The following ERO1B variants were observed in gnomAD, a reference collection of about 807,000 sequenced individuals.
ERO1B encodes the protein ERO1-like protein beta.
A neutral mutation model predicts 75.3 loss-of-function variants in ERO1B; 49 were observed. The ratio of observed to expected loss-of-function variants is 0.65; its 90% confidence interval spans 0.52 to 0.83. The LOEUF is 0.83. Among genes scored for constraint, ERO1B ranks in the 40% least tolerant of loss-of-function variants. ERO1B has a pLI of 0.00. For synonymous variants in ERO1B, 191 were observed against 192.9 expected, an observed-to-expected ratio of 0.99 and a Z score of 0.08; for missense variants, 512 against 560.1, an observed-to-expected ratio of 0.91 and a Z score of 0.87.
intron 1 of ERO1B, among the ~76,000 whole-genome samples, chr1:236,279,556 C>T (rs575554441): frequency 2.1e-5 from 3 of 146,244 alleles, no homozygotes; most frequent in Non-Finnish European, 4.5e-5. Flanking sequence ...GGCCTGGGCG[C>T]GGTGGCTCAC....
At chr1:236,226,196 T>A in intron 12 of ERO1B, 73 bp downstream of exon 12, 3 of 1,507,724 alleles carry the variant, frequency 2.0e-6, no homozygotes, top group Non-Finnish European at 2.7e-6. Context: ...GGAGTCAGTT[T>A]TTGTGTACTT....
chr1:236,242,196 A>G (rs1664723222), intron 6 of ERO1B, among the ~76,000 whole-genome samples: 1 of 152,244 alleles, frequency 6.6e-6, no homozygotes, highest in African/African-American at 2.4e-5. Context: ...TAAGAGTAAT[A>G]TATAGTCACA....
rs1233879642 is a variant in ERO1B, at chr1:236,245,308, A to G, written c.432-1813T>C. Among the ~76,000 whole-genome samples, 30 of 20,540 alleles carry G rather than the reference A, an allele frequency of 1.5e-3. No homozygotes were observed. In the East Asian group the frequency reaches 0.029, roughly 20 times the overall value. The allele number at this position is 20,540 out of a possible 152,430, so 13.5% of individuals were successfully genotyped here. ...CCATGCCCAGTCAAAATATATATAT[A>G]TATATATATATATACACACACGTAT... On this transcript the variant is annotated intron_variant, in intron 5 of 15. Transcript: ENST00000354619.
chr1:236,243,349 T>C, intron 6 of ERO1B, 73 bp downstream of exon 6: 1 of 1,083,230 alleles, frequency 9.2e-7, no homozygotes, highest in Non-Finnish European at 1.3e-6. Context: ...TCAGTTTATA[T>C]TTTCATTGAT....
At chr1:236,225,656 C>T (rs1664259705) in intron 12 of ERO1B, among the ~76,000 whole-genome samples, 1 of 152,160 alleles carries the variant, frequency 6.6e-6, no homozygotes, top group African/African-American at 2.4e-5. Context: ...GACTAGAGGC[C>T]AGGCGCGATG....
intron 5 of ERO1B, among the ~76,000 whole-genome samples, chr1:236,249,187 G>A (rs1664957022): frequency 2.0e-5 from 3 of 152,002 alleles, no homozygotes; most frequent in East Asian, 3.9e-4. Context: ...CACCACACCC[G>A]GCTAATTTTT....
Position 236,216,416 on chromosome 1 carries a change from C to T in ERO1B, c.*2100G>A, listed in dbSNP as rs890144437. ...ATCATTTAAGAAATAAAAACACATA[C>T]ACAAAAATGTAGGCTGCCCCTACAA... On this transcript the variant is annotated 3_prime_UTR_variant, in exon 16 of 16. Transcript: ENST00000354619. 8 of 152,078 alleles carry T rather than the reference C, an allele frequency of 5.3e-5. No individual in the cohort carries two copies. Among genetic ancestry groups the T allele is most frequent in the Admixed American group, 1.3e-4 (2 of 15,274 alleles). The allele number at this position is 152,078 out of a possible 1,614,324, so 9.4% of individuals were successfully genotyped here.
chr1:236,251,474 G>A (rs1665027636), intron 4 of ERO1B: 1 of 980,294 alleles, frequency 1.0e-6, no homozygotes, highest in Admixed American at 6.2e-5. Flanking sequence ...AGATTACACG[G>A]GAGAGAGAGC....
At chr1:236,238,418 G>C (rs1398744104) in intron 6 of ERO1B, among the ~76,000 whole-genome samples, 1 of 151,752 alleles carries the variant, frequency 6.6e-6, no homozygotes, top group African/African-American at 2.4e-5. Flanking sequence ...CATGCCTCTA[G>C]TCCCAGTTGC....
chr1:236,220,715 A>G (rs1236005898), intron 15 of ERO1B, 117 bp downstream of exon 15: 1 of 1,039,246 alleles, frequency 9.6e-7, no homozygotes, highest in Non-Finnish European at 1.3e-6. Context: ...TACAGATACA[A>G]TATAAAATTT....
At chr1:236,262,932 A>T (rs1458873060) in intron 2 of ERO1B, among the ~76,000 whole-genome samples, 2 of 152,106 alleles carry the variant, frequency 1.3e-5, no homozygotes, top group Non-Finnish European at 2.9e-5. Flanking sequence ...GGTGGCCTTC[A>T]TCCAATGACC....
chr1:236,254,612 T>A (rs1198187073), intron 2 of ERO1B, among the ~76,000 whole-genome samples: 2 of 152,098 alleles, frequency 1.3e-5, no homozygotes, highest in Non-Finnish European at 2.9e-5. Context: ...TCAAGATCTT[T>A]ATTTTTTTTT....
In ERO1B at chr1:236,226,697, C is replaced by T. The variant is rs1384580398; in HGVS notation, c.755G>A (p.Gly252Glu). 1 of 1,612,678 alleles carries T rather than the reference C, an allele frequency of 6.2e-7. No individual in the cohort carries two copies. Among genetic ancestry groups the T allele is most frequent in the Non-Finnish European group, 8.5e-7 (1 of 1,179,706 alleles). Reference sequence around the variant, plus strand: ...ATGTAAATTGATGCTAGCATGAAGTCCCGATATAAGCTTATAGAAGACTCT... The same window carrying T: ...ATGTAAATTGATGCTAGCATGAAGTTCCGATATAAGCTTATAGAAGACTCT... ...EKRVFYKLIS[G>E]LHASINLHLC... Residue 252 changes from glycine (G) to glutamate (E), a missense_variant, in exon 11 of 16, where the codon GGA becomes GAA. Physicochemically the swap from Gly to Glu is moderately conservative, Grantham distance 98. Coordinates refer to ENST00000354619, the MANE Select transcript of ERO1B (RefSeq NM_019891.4).
intron 13 of ERO1B, among the ~76,000 whole-genome samples, chr1:236,224,520 A>T (rs1407404446): frequency 6.6e-6 from 1 of 152,106 alleles, no homozygotes; most frequent in Non-Finnish European, 1.5e-5. Context: ...TTTTAAGGGT[A>T]CAATTTGTTT....
Position 236,276,120 on chromosome 1 carries a change from G to A in ERO1B, c.102+5562C>T, listed in dbSNP as rs1241702763. ...TAAGAACAACAGGCAGGCCAATTTG[G>A]CTGGAGCTTATGTATAAGGGGGGAA... On this transcript the variant is annotated intron_variant, in intron 1 of 15. Coordinates refer to ENST00000354619, the MANE Select transcript of ERO1B (RefSeq NM_019891.4). Among the ~76,000 whole-genome samples the A allele has an allele frequency of 2.0e-5, 3 of 152,208 alleles. No homozygotes were observed. In the East Asian group the frequency reaches 5.8e-4, roughly 29 times the overall value.
chr1:236,267,658 T>C (rs1665480047), intron 2 of ERO1B: 1 of 152,162 alleles, frequency 6.6e-6, no homozygotes, highest in African/African-American at 2.4e-5. Flanking sequence ...TTTTGAAATA[T>C]AAAAGTAAAA....
intron 4 of ERO1B, among the ~76,000 whole-genome samples, chr1:236,250,601 A>AT (rs1553372699): frequency 0.015 from 984 of 63,898 alleles, 30 homozygotes; most frequent in African/African-American, 0.053. Flanking sequence ...ATATATATAT[A>AT]TATATATATA....
chr1:236,249,655 A>G (rs1345886084), intron 5 of ERO1B, among the ~76,000 whole-genome samples: 1 of 152,202 alleles, frequency 6.6e-6, no homozygotes, highest in Non-Finnish European at 1.5e-5. Context: ...GTAAATTTCT[A>G]CTTTTTAAAA....
chr1:236,259,751 G>A (rs1665250563), intron 2 of ERO1B, among the ~76,000 whole-genome samples: 1 of 151,776 alleles, frequency 6.6e-6, no homozygotes, highest in African/African-American at 2.4e-5. Context: ...AATATCAATA[G>A]CTTTGAAGAG....
Sources: allele counts gnomAD v4.1 joint callset (sites outside exome capture counted in the v4.1 genomes callset), GRCh38; gene constraint gnomAD v4.1.1; transcripts MANE v1.5; gene names NCBI Gene and HGNC (gene_info 2026-07-23, HGNC 2026-07-21).